Variants in PCDHA2 observed in about 807,000 individuals in gnomAD.
The protein encoded by PCDHA2 is protocadherin alpha 2.
A neutral mutation model predicts 66.0 loss-of-function variants in PCDHA2; 58 were observed. The ratio of observed to expected loss-of-function variants is 0.88; its 90% CI spans 0.71 to 1.09. The LOEUF (loss-of-function observed/expected upper bound fraction) is 1.09. Ranked by LOEUF, PCDHA2 falls within the 50% of genes least tolerant of loss-of-function variation. PCDHA2 has a pLI of 0.00. For synonymous variants in PCDHA2, 634 were observed against 554.0 expected (o/e 1.14, Z -2.03); for missense variants, 1,267 against 1,242.3 (o/e 1.02, Z -0.30).
At chr5:140,872,598 A>G (rs1211346027) in intron 1 of PCDHA2, among the ~76,000 whole-genome samples, 1 of 152,158 alleles carries the variant, frequency 6.6e-6, no homozygotes, top group African/African-American at 2.4e-5. Context: ...CCCCCATCTG[A>G]AAAAATAATT....
At position 140,928,790 on chromosome 5, in the gene PCDHA2, G is replaced by T. The variant is rs370207805; in HGVS notation, c.2389-50159G>T. The T allele has an allele frequency of 9.3e-6, 15 of 1,614,058 alleles. No homozygotes were observed. Among genetic ancestry groups the T allele is most frequent in the Non-Finnish European group, 1.2e-5 (14 of 1,180,044 alleles). On this transcript the variant is annotated intron_variant, in intron 1 of 3. Coordinates refer to ENST00000526136, the MANE Select transcript of PCDHA2 (RefSeq NM_018905.3). The stretch of plus-strand genomic sequence containing the variant: ...CTTCCCACTGATGCAGTTAAGCAGA[G>T]GGTGGTGGTAGTGGTTCGGGACCAT...
At chr5:140,863,655 G>T in intron 1 of PCDHA2, 1 of 295,936 alleles carries the variant, frequency 3.4e-6, no homozygotes, top group Non-Finnish European at 6.6e-6. Context: ...TAATTTGATT[G>T]CTTTATTTAT....
At position 140,927,570 on chromosome 5, in the gene PCDHA2, A is replaced by G. The variant is rs568227710; in HGVS notation, c.2389-51379A>G. 5.0e-5 allele frequency: 80 copies of G among 1,614,066 alleles called. 1 individual carries two copies. Among genetic ancestry groups the G allele is most frequent in the Middle Eastern group, 4.9e-4 (3 of 6,084 alleles). On this transcript the variant is annotated intron_variant, in intron 1 of 3. Transcript: ENST00000526136. ...AAGTCACCATCATTGTGGTGGACAC[A>G]AATGACAACGCGCCTGTATTTGAGC...
intron 1 of PCDHA2, chr5:140,836,962 C>T: frequency 2.5e-6 from 1 of 398,834 alleles, no homozygotes; most frequent in Non-Finnish European, 4.4e-6. Flanking sequence ...TTTATGTTGG[C>T]TACTCTCCAT....
chr5:140,929,410 CACA>C (rs2153600762), intron 1 of PCDHA2: 2 of 1,505,808 alleles, frequency 1.3e-6, no homozygotes, highest in East Asian at 2.3e-5. Context: ...ACAAGCCTTT[CACA>C]ACATTTCATC....
intron 1 of PCDHA2, among the ~76,000 whole-genome samples, chr5:140,895,125 G>T (rs1165797883): frequency 2.0e-5 from 3 of 152,068 alleles, no homozygotes; most frequent in African/African-American, 7.2e-5. Flanking sequence ...TTTGTTAGTT[G>T]ACAAGTTCAT....
chr5:140,855,841 TA>T, intron 1 of PCDHA2: 2 of 638,220 alleles, frequency 3.1e-6, no homozygotes, highest in Non-Finnish European at 2.6e-6. Context: ...TACTTACACC[TA>T]AAGCCACCGG....
intron 1 of PCDHA2, chr5:140,858,460 C>T (rs1395067215): frequency 6.6e-7 from 1 of 1,525,828 alleles, no homozygotes; most frequent in African/African-American, 1.4e-5. Context: ...TTTTCATTTT[C>T]CTTTTGTGCT....
rs782686561 is a variant in PCDHA2, at chr5:140,796,308, G to A, written c.1344G>A (p.Val448=). ...GCGTGTCCATCGAGGTGGCCGACGTGAACGACAACGCGCCGGCGTTCGCAC... is the reference window on the plus strand; with the variant it reads ...GCGTGTCCATCGAGGTGGCCGACGTAAACGACAACGCGCCGGCGTTCGCAC... ...TTSVSIEVAD[V]NDNAPAFAQP... is the part of the protein sequence containing the mutation. The change falls in exon 1 of 4, where the codon GTG becomes GTA. Residue 448 remains valine, a synonymous_variant. Coordinates refer to ENST00000526136, the MANE Select transcript of PCDHA2 (RefSeq NM_018905.3). 6.8e-6 allele frequency: 11 copies of A among 1,614,136 alleles called. No homozygotes were observed. The South Asian group carries it at 7.7e-5, about 11-fold the overall frequency.
At chr5:140,846,436 G>A (rs191314082) in intron 1 of PCDHA2, among the ~76,000 whole-genome samples, 18 of 131,380 alleles carry the variant, frequency 1.4e-4, no homozygotes, top group African/African-American at 3.7e-4. Flanking sequence ...ATGCAGTGGC[G>A]CAATCTCGGC....
chr5:140,806,645 G>A (rs1384203621), intron 1 of PCDHA2, among the ~76,000 whole-genome samples: 7 of 151,106 alleles, frequency 4.6e-5, no homozygotes, highest in African/African-American at 7.3e-5. Context: ...AGGGTGAAGA[G>A]GGTGTTATCA....
rs146594045 is a variant in PCDHA2 at position 140,797,258 on chromosome 5, C to T, written c.2294C>T (p.Pro765Leu). Residue 765 changes from proline (P) to leucine (L), a missense_variant, in exon 1 of 4, where the codon CCC (proline) becomes CTC (leucine). By Grantham distance (98) the Pro-to-Leu change is moderately conservative. Coordinates refer to ENST00000526136, the MANE Select transcript of PCDHA2 (RefSeq NM_018905.3). ...AGGGTGTGCTCTGGGGAGGACCCCC[C>T]CAAGACGGACCTCATGGCCTTCAGC... Reference protein sequence around the residue: ...RQRVCSGEDPPKTDLMAFSPS... With the variant: ...RQRVCSGEDPLKTDLMAFSPS... The T allele has an allele frequency of 3.1e-6, 5 of 1,614,210 alleles. No individual in the cohort carries two copies. The highest frequency in any genetic ancestry group is 2.2e-5 in the East Asian group (1 of 44,868).
intron 1 of PCDHA2, chr5:140,862,802 T>C (rs1554156982): frequency 1.7e-6 from 1 of 577,736 alleles, no homozygotes; most frequent in Non-Finnish European, 3.3e-6. Flanking sequence ...GAGCTGGAGC[T>C]GCTGCAGTTC....
chr5:140,877,661 G>C, intron 1 of PCDHA2: 1 of 1,613,572 alleles, frequency 6.2e-7, no homozygotes. Flanking sequence ...CCCACCGTGA[G>C]CCGGTGCGCG....
intron 3 of PCDHA2, among the ~76,000 whole-genome samples, chr5:140,991,894 C>T (rs1426754578): frequency 6.6e-6 from 1 of 152,164 alleles, no homozygotes; most frequent in Non-Finnish European, 1.5e-5. Context: ...AACAAATTAA[C>T]ACAAAATCCC....
At chr5:140,836,566 C>A (rs1774576501) in intron 1 of PCDHA2, 1 of 1,613,742 alleles carries the variant, frequency 6.2e-7, no homozygotes. Context: ...GCGCCGTCCT[C>A]TGAGGGCGCA....
intron 1 of PCDHA2, chr5:140,883,740 C>A: frequency 6.2e-7 from 1 of 1,613,368 alleles, no homozygotes; most frequent in Non-Finnish European, 8.5e-7. Context: ...GCGCTGGTCT[C>A]CTACTCGCTG....
intron 1 of PCDHA2, chr5:140,967,672 C>T: frequency 1.2e-6 from 2 of 1,614,182 alleles, no homozygotes; most frequent in Non-Finnish European, 8.5e-7. Context: ...ACACGTCGGA[C>T]CGGGAGAGGC....
chr5:140,937,950 T>C (rs1483679576), intron 1 of PCDHA2, among the ~76,000 whole-genome samples: 1 of 152,164 alleles, frequency 6.6e-6, no homozygotes, highest in African/African-American at 2.4e-5. Flanking sequence ...AATTGGCTTT[T>C]GTTGAAAGTA....
Sources: allele counts gnomAD v4.1 joint callset (sites outside exome capture counted in the v4.1 genomes callset), GRCh38; gene constraint gnomAD v4.1.1; transcripts MANE v1.5; gene names NCBI Gene and HGNC (gene_info 2026-07-23, HGNC 2026-07-21).